Variants in PCCA observed in about 807,000 individuals in gnomAD.
The protein encoded by PCCA is propionyl-CoA carboxylase alpha chain, mitochondrial.
A neutral mutation model predicts 101.3 loss-of-function variants in PCCA; 74 were observed. The ratio of observed to expected loss-of-function variants is 0.73; its 90% CI spans 0.61 to 0.89. The LOEUF (loss-of-function observed/expected upper bound fraction) is 0.89. Ranked by LOEUF, PCCA falls within the 40% of genes least tolerant of loss-of-function variation. The pLI is 0.00. For synonymous variants in PCCA, 294 were observed against 313.6 expected (o/e 0.94, Z 0.66); for missense variants, 891 against 907.0 (o/e 0.98, Z 0.23).
At chr13:100,187,919 A>T (rs1427070922) in intron 6 of PCCA, among the ~76,000 whole-genome samples, 1 of 137,444 alleles carries the variant, frequency 7.3e-6, no homozygotes, top group Non-Finnish European at 1.6e-5. Context: ...CCTTTCCCCC[A>T]AGTCCCCAAA....
intron 14 of PCCA, 129 bp from the exon 15 acceptor site, chr13:100,307,063 T>C: frequency 1.4e-6 from 1 of 695,564 alleles, no homozygotes; most frequent in Middle Eastern, 3.6e-4. Flanking sequence ...TTTCCTATTT[T>C]CCAGAAGTTG....
In PCCA at chr13:100,348,733, TTTCTTTCTTTCTTTC is replaced by T. The variant is rs1566975648; in HGVS notation, c.1643+8477_1643+8491del. Reference sequence around the variant, plus strand: ...TTTACTTTCCGTTTTTTTTCCTTTCTTTCTTTCTTTCTTTCTTTCTTTCTTTCTTTCTTTCTTTCT... The same window carrying T: ...TTTACTTTCCGTTTTTTTTCCTTTCTTTTCTTTCTTTCTTTCTTTCTTTCT... On this transcript the variant is annotated intron_variant, in intron 18 of 23. Transcript: ENST00000376285. 2.1e-4 allele frequency among the ~76,000 whole-genome samples: 16 copies of T among 77,198 alleles called. 2 individuals are homozygous for T. The highest frequency in any genetic ancestry group is 7.2e-4 in the African/African-American group (12 of 16,676). 50.6% of individuals were successfully genotyped at this position (77,198 alleles called of 152,430 possible). A position where few individuals can be genotyped will look rare whatever the true frequency, so the allele number is the denominator to read the frequency against.
At chr13:100,442,840 C>T (rs965875410) in intron 20 of PCCA, among the ~76,000 whole-genome samples, 4 of 152,086 alleles carry the variant, frequency 2.6e-5, no homozygotes, top group Non-Finnish European at 2.9e-5. Context: ...AGGGGGCAAA[C>T]GTGCAGAAGT....
intron 1 of PCCA, among the ~76,000 whole-genome samples, chr13:100,100,658 T>A (rs1329713706): frequency 6.6e-6 from 1 of 152,168 alleles, no homozygotes; most frequent in Non-Finnish European, 1.5e-5. Flanking sequence ...CATGAATGTC[T>A]CCCAGGAGGA....
At position 100,209,008 on chromosome 13, in the gene PCCA, C is replaced by T. The variant is rs17196604; in HGVS notation, c.469-324C>T. Among the ~76,000 whole-genome samples, 23,515 of 151,974 alleles carry T rather than the reference C, an allele frequency of 0.15. 1,948 individuals carry two copies. Among genetic ancestry groups the T allele is most frequent in the Non-Finnish European group, 0.17 (11,893 of 67,964 alleles). The stretch of plus-strand genomic sequence containing the variant: ...AACACAGAGATTTATAAGGTGTTTA[C>T]GGGTGACCTTACTGGCTAGATTAGG... On this transcript the variant is annotated intron_variant, in intron 6 of 23. Coordinates refer to ENST00000376285, the MANE Select transcript of PCCA (RefSeq NM_000282.4).
intron 20 of PCCA, among the ~76,000 whole-genome samples, chr13:100,434,843 A>G (rs1567130922): frequency 6.6e-6 from 1 of 152,224 alleles, no homozygotes; most frequent in Non-Finnish European, 1.5e-5. Flanking sequence ...CACGTAGCTT[A>G]AGCAGAGTTC....
intron 2 of PCCA, 147 bp downstream of exon 2, chr13:100,103,107 T>G (rs2047424917): frequency 1.6e-6 from 1 of 643,438 alleles, no homozygotes; most frequent in Admixed American, 2.4e-5. Flanking sequence ...TTTCTATAGG[T>G]GCTCAGTCTT....
chr13:100,425,506 C>A (rs1404830046), intron 19 of PCCA, 127 bp from the exon 20 acceptor site: 3 of 724,764 alleles, frequency 4.1e-6, no homozygotes, highest in Admixed American at 4.0e-5. Flanking sequence ...TTGGCTGGAG[C>A]AGTAAACATG....
At chr13:100,216,247 G>C (rs1400056836) in intron 7 of PCCA, among the ~76,000 whole-genome samples, 3 of 152,194 alleles carry the variant, frequency 2.0e-5, no homozygotes, top group Non-Finnish European at 2.9e-5. Context: ...AGCATATTAG[G>C]CAGAAAGAAT....
chr13:100,126,557 G>C (rs930320117), intron 4 of PCCA, among the ~76,000 whole-genome samples: 1 of 152,066 alleles, frequency 6.6e-6, no homozygotes, highest in African/African-American at 2.4e-5. Flanking sequence ...AACCTCCTTT[G>C]CTGTAGCGGG....
intron 12 of PCCA, among the ~76,000 whole-genome samples, chr13:100,287,494 A>T (rs1276308753): frequency 6.6e-6 from 1 of 152,130 alleles, no homozygotes; most frequent in Non-Finnish European, 1.5e-5. Flanking sequence ...AAAAATGGTT[A>T]TGAAAAACAT....
chr13:100,432,146 AAAATAAATAAATAAAT>A (rs59813518), intron 20 of PCCA, among the ~76,000 whole-genome samples: 5 of 150,868 alleles, frequency 3.3e-5, no homozygotes, highest in African/African-American at 1.2e-4. Flanking sequence ...CTCCATCTCA[AAAATAAATAAATAAAT>A]AAATAAATAA....
At chr13:100,296,825 ACTGTCT>A (rs1485655195) in intron 12 of PCCA, among the ~76,000 whole-genome samples, 2 of 152,196 alleles carry the variant, frequency 1.3e-5, no homozygotes, top group Non-Finnish European at 2.9e-5. Context: ...TTAACATATT[ACTGTCT>A]TCCAATTTAG....
At chr13:100,089,337 C>G in intron 1 of PCCA, 112 bp downstream of exon 1, 1 of 1,297,346 alleles carries the variant, frequency 7.7e-7, no homozygotes, top group Non-Finnish European at 9.8e-7. Flanking sequence ...CCCCCGCGCC[C>G]CGGTTCCGCA....
At position 100,140,183 on chromosome 13, in the gene PCCA, G is replaced by A. The variant is rs148574384; in HGVS notation, c.301-14796G>A. ...CAGTCTTCTTACTTAGAAATCTGAGGTTTTATTACCTTGCTCTGCTGTTCA... is the reference window on the plus strand; with the variant it reads ...CAGTCTTCTTACTTAGAAATCTGAGATTTTATTACCTTGCTCTGCTGTTCA... On this transcript the variant is annotated intron_variant, in intron 4 of 23. Transcript: ENST00000376285. Among the ~76,000 whole-genome samples the A allele has an allele frequency of 3.3e-5, 5 of 152,208 alleles. No homozygotes were observed. The East Asian group carries it at 9.6e-4, about 29-fold the overall frequency.
rs1566891414 is a variant in PCCA at position 100,298,724 on chromosome 13, TTCCTTCCTTCCTTCCTTCCG to T, written c.1066-2724_1066-2705del. ...CTTCCTTCCTTCCTTCCTTCCTTCCTTCCTTCCTTCCTTCCTTCCGTCCTTCCTTCCGTCCTTTTGTTCCT... is the reference window on the plus strand; with the variant it reads ...CTTCCTTCCTTCCTTCCTTCCTTCCTTCCTTCCTTCCGTCCTTTTGTTCCT... On this transcript the variant is annotated intron_variant, in intron 12 of 23. Transcript: ENST00000376285. 2.8e-4 allele frequency among the ~76,000 whole-genome samples: 29 copies of T among 101,756 alleles called. 1 individual carries two copies. Among genetic ancestry groups the T allele is most frequent in the African/African-American group, 3.3e-4 (9 of 27,086 alleles). The allele number at this position is 101,756 out of a possible 152,430, so 66.8% of individuals were successfully genotyped here. A position where few individuals can be genotyped will look rare whatever the true frequency, so the allele number is the denominator to read the frequency against.
chr13:100,502,609 G>A (rs1378011177), intron 21 of PCCA, among the ~76,000 whole-genome samples: 1 of 152,210 alleles, frequency 6.6e-6, no homozygotes, highest in Non-Finnish European at 1.5e-5. Context: ...CTTAACTTCT[G>A]TGACTAAAGC....
chr13:100,402,214 A>C (rs1389734751), intron 19 of PCCA, among the ~76,000 whole-genome samples: 1 of 152,094 alleles, frequency 6.6e-6, no homozygotes, highest in East Asian at 1.9e-4. Context: ...TTGCTTTATT[A>C]GTCTTACAAA....
At chr13:100,287,503 AT>A (rs1356077081) in intron 12 of PCCA, among the ~76,000 whole-genome samples, 1 of 152,106 alleles carries the variant, frequency 6.6e-6, no homozygotes, top group Admixed American at 6.6e-5. Context: ...TATGAAAAAC[AT>A]TTATATTTTT....
Sources: allele counts gnomAD v4.1 joint callset (sites outside exome capture counted in the v4.1 genomes callset), GRCh38; gene constraint gnomAD v4.1.1; transcripts MANE v1.5; gene names NCBI Gene and HGNC (gene_info 2026-07-23, HGNC 2026-07-21).